YWHAQ: variants seen among roughly 807,000 people sequenced by gnomAD.
The protein encoded by YWHAQ is 14-3-3 protein theta.
A neutral mutation model predicts 28.3 loss-of-function variants in YWHAQ; 6 were observed. The observed-to-expected ratio is 0.21, with a 90% CI of 0.12 to 0.42. YWHAQ has a LOEUF of 0.42. Among genes scored for constraint, YWHAQ ranks in the 10% least tolerant of loss-of-function variants. The pLI is 1.00. For synonymous variants in YWHAQ, 143 were observed against 119.1 expected, an observed-to-expected ratio of 1.20 and a Z score of -1.31; for missense variants, 201 against 305.6, an observed-to-expected ratio of 0.66 and a Z score of 2.55.
intron 2 of YWHAQ, among the ~76,000 whole-genome samples, chr2:9,627,015 T>A (rs1404623543): frequency 1.3e-5 from 2 of 152,238 alleles, no homozygotes; most frequent in Non-Finnish European, 2.9e-5. Flanking sequence ...ACAATGACAC[T>A]GAGAGACAGC....
intron 2 of YWHAQ, among the ~76,000 whole-genome samples, chr2:9,623,718 A>C (rs1667190803): frequency 6.6e-6 from 1 of 152,150 alleles, no homozygotes; most frequent in Non-Finnish European, 1.5e-5. Flanking sequence ...GTTGAGGTGA[A>C]CCAAGATTGC....
intron 2 of YWHAQ, among the ~76,000 whole-genome samples, chr2:9,623,756 G>C (rs1399471449): frequency 6.6e-6 from 1 of 151,730 alleles, no homozygotes; most frequent in Admixed American, 6.6e-5. Flanking sequence ...TGGGCAACAA[G>C]AGCAAAACTC....
intron 2 of YWHAQ, among the ~76,000 whole-genome samples, chr2:9,605,913 C>G (rs1666818065): frequency 6.6e-6 from 1 of 152,058 alleles, no homozygotes; most frequent in African/African-American, 2.4e-5. Flanking sequence ...TGTATGTTCC[C>G]CTCTCCCTCA....
chr2:9,585,408 T>C (rs1458101388), intron 5 of YWHAQ, 63 bp from the exon 6 acceptor site: 9 of 1,557,370 alleles, frequency 5.8e-6, no homozygotes, highest in South Asian at 3.4e-5. Context: ...CTAAGTAGTA[T>C]TGTTATATCA....
chr2:9,602,692 C>T (rs1186070731), intron 2 of YWHAQ, among the ~76,000 whole-genome samples: 2 of 150,798 alleles, frequency 1.3e-5, no homozygotes, highest in African/African-American at 2.4e-5. Context: ...CTACCACGCC[C>T]AGCTAATTGT....
chr2:9,593,905 A>ATAT (rs1553372584), intron 2 of YWHAQ, among the ~76,000 whole-genome samples: 1 of 127,632 alleles, frequency 7.8e-6, no homozygotes. Flanking sequence ...GATTAAAAAA[A>ATAT]ATATATATAT....
intron 2 of YWHAQ, among the ~76,000 whole-genome samples, chr2:9,626,026 A>G (rs1403880818): frequency 6.6e-6 from 1 of 152,232 alleles, no homozygotes; most frequent in East Asian, 1.9e-4. Context: ...AAATTTAAAC[A>G]CAACTAAATT....
At chr2:9,588,008 G>C (rs1175602837) in intron 4 of YWHAQ, among the ~76,000 whole-genome samples, 157 bp downstream of exon 4, 1 of 152,112 alleles carries the variant, frequency 6.6e-6, no homozygotes, top group African/African-American at 2.4e-5. Flanking sequence ...GTCAGGGGTA[G>C]GAGTAGGTAA....
chr2:9,623,248 T>C (rs922862790), intron 2 of YWHAQ, among the ~76,000 whole-genome samples: 2 of 152,220 alleles, frequency 1.3e-5, no homozygotes, highest in African/African-American at 2.4e-5. Flanking sequence ...CCTTAAAAAC[T>C]TGCTTGTGCT....
intron 2 of YWHAQ, among the ~76,000 whole-genome samples, chr2:9,592,801 T>C (rs1248381901): frequency 6.6e-6 from 1 of 152,184 alleles, no homozygotes; most frequent in Non-Finnish European, 1.5e-5. Flanking sequence ...ATAAAAATGT[T>C]AAGATACTAA....
At chr2:9,586,301 A>T (rs533069974) in intron 5 of YWHAQ, among the ~76,000 whole-genome samples, 1 of 152,346 alleles carries the variant, frequency 6.6e-6, no homozygotes, top group East Asian at 1.9e-4. Flanking sequence ...AGTGAAGAAG[A>T]GAAGTCAGTA....
Position 9,630,507 on chromosome 2 carries a change from C to A in YWHAQ, c.-55G>T. On this transcript the variant is annotated 5_prime_UTR_variant, in exon 2 of 6. Coordinates refer to ENST00000238081, the MANE Select transcript of YWHAQ (RefSeq NM_006826.4). This position sits in a 1 kb window ranked among gnomAD's most constrained non-coding sequence, Gnocchi z 5.6. ...GGGCGAGGAGAGCGAGGGCGAGCGC[C>A]GACCCGCAGCGGGAGGAGCCTCGAG... is the stretch of plus-strand genomic sequence containing the variant. 1.4e-6 allele frequency: 2 copies of A among 1,470,632 alleles called. No individual in the cohort carries two copies. Among genetic ancestry groups the A allele is most frequent in the Admixed American group, 2.4e-5 (1 of 42,318 alleles). The allele number at this position is 1,470,632 out of a possible 1,614,324, so 91.1% of individuals were successfully genotyped here. A position where few individuals can be genotyped will look rare whatever the true frequency, so the allele number is the denominator to read the frequency against.
At chr2:9,598,632 C>T (rs1042751820) in intron 2 of YWHAQ, among the ~76,000 whole-genome samples, 8 of 152,062 alleles carry the variant, frequency 5.3e-5, no homozygotes, top group Non-Finnish European at 1.0e-4. Flanking sequence ...AATCTGTGAT[C>T]GGTGGTCATT....
chr2:9,593,027 C>A (rs1031560060), intron 2 of YWHAQ, among the ~76,000 whole-genome samples: 1 of 152,086 alleles, frequency 6.6e-6, no homozygotes, highest in South Asian at 2.1e-4. Context: ...ACCACAGATA[C>A]GCTCAGTTAA....
At chr2:9,626,212 G>T (rs891973227) in intron 2 of YWHAQ, among the ~76,000 whole-genome samples, 36 of 152,326 alleles carry the variant, frequency 2.4e-4, no homozygotes, top group African/African-American at 8.4e-4. Flanking sequence ...TAGAACTGAT[G>T]TACAGGAGAG....
At position 9,605,499 on chromosome 2, in the gene YWHAQ, C is replaced by T. The variant is rs972940908; in HGVS notation, c.295-13984G>A. Among the ~76,000 whole-genome samples, 29 of 152,092 alleles carry T rather than the reference C, an allele frequency of 1.9e-4. 1 individual carries two copies. The highest frequency in any genetic ancestry group is 1.5e-3 in the Admixed American group (23 of 15,270). ...TTAAAAAAATCCTCACTTGATATGT[C>T]CAATTCTTGTCCCCTGCCCAAGGCA... On this transcript the variant is annotated intron_variant, in intron 2 of 5. Transcript: ENST00000238081.
At chr2:9,592,569 C>T (rs770738574) in intron 2 of YWHAQ, among the ~76,000 whole-genome samples, 12 of 151,668 alleles carry the variant, frequency 7.9e-5, no homozygotes, top group Non-Finnish European at 1.6e-4. Context: ...ACTAAAAATA[C>T]AAAAAATTAG....
intron 2 of YWHAQ, among the ~76,000 whole-genome samples, chr2:9,605,229 C>G (rs1666798177): frequency 6.7e-6 from 1 of 150,070 alleles, no homozygotes; most frequent in Non-Finnish European, 1.5e-5. Context: ...GCAGCAACTT[C>G]TAGGCTCGAG....
At chr2:9,601,519 T>C (rs1666693090) in intron 2 of YWHAQ, among the ~76,000 whole-genome samples, 1 of 152,168 alleles carries the variant, frequency 6.6e-6, no homozygotes. Flanking sequence ...ACTTCAATAC[T>C]TAAAAGGTAA....
Sources: allele counts gnomAD v4.1 joint callset (sites outside exome capture counted in the v4.1 genomes callset), GRCh38; gene constraint gnomAD v4.1.1; non-coding constraint Gnocchi (gnomAD v3.1); transcripts MANE v1.5; gene names NCBI Gene and HGNC (gene_info 2026-07-23, HGNC 2026-07-21).